Variants in OTUD7A observed in about 807,000 individuals in gnomAD.
The protein encoded by OTUD7A is OTU domain-containing protein 7A.
OTUD7A carries 12 observed loss-of-function variants against 65.7 expected under a neutral mutation model. The observed-to-expected ratio is 0.18, with a 90% CI of 0.12 to 0.30. OTUD7A has a LOEUF of 0.30. Ranked by LOEUF, OTUD7A falls within the 10% of genes least tolerant of loss-of-function variation. The pLI is 1.00. For missense variants in OTUD7A, 1,148 were observed against 1,304.8 expected, an observed-to-expected ratio of 0.88 and a Z score of 1.85; for synonymous variants, 641 against 586.3, an observed-to-expected ratio of 1.09 and a Z score of -1.35.
In OTUD7A at chr15:31,484,020, GGCGGCGGCAGCGGCGGCC is replaced by G; in HGVS notation, c.2058_2075del (p.Ala691_Ala696del). 2 of 1,221,592 alleles carry G rather than the reference GGCGGCGGCAGCGGCGGCC, an allele frequency of 1.6e-6. No homozygotes were observed. The highest frequency in any genetic ancestry group is 3.9e-5 in the South Asian group (1 of 25,634). 75.7% of individuals were successfully genotyped at this position (1,221,592 alleles called of 1,614,324 possible). ...GCCGCTTGGCCGTGGCGGCGGCGGC[GGCGGCGGCAGCGGCGGCC>G]GCAGTAGCGGCGTCGCGGCGCCGCT... On this transcript the variant is annotated inframe_deletion, in exon 13 of 13. Coordinates refer to ENST00000307050, the MANE Select transcript of OTUD7A (RefSeq NM_001382637.1). The surrounding 1 kb of genome is among the most constrained non-coding windows in gnomAD (Gnocchi z 4.5).
chr15:31,745,353 A>G (rs771495943), intron 1 of OTUD7A, among the ~76,000 whole-genome samples: 1 of 152,182 alleles, frequency 6.6e-6, no homozygotes, highest in African/African-American at 2.4e-5. Flanking sequence ...ATATAAATCA[A>G]TGGGACAAAG....
chr15:31,636,160 T>G (rs1891336717), intron 3 of OTUD7A, among the ~76,000 whole-genome samples: 1 of 152,228 alleles, frequency 6.6e-6, no homozygotes, highest in South Asian at 2.1e-4. Flanking sequence ...TGCATTTTCT[T>G]TTTACAAATT....
At chr15:31,639,319 C>G (rs1209483934) in intron 3 of OTUD7A, among the ~76,000 whole-genome samples, 1 of 150,964 alleles carries the variant, frequency 6.6e-6, no homozygotes, top group Non-Finnish European at 1.5e-5. Context: ...AGAGTCATCT[C>G]TGTTGTTGCA....
At chr15:31,575,740 C>A (rs34658780) in intron 3 of OTUD7A, among the ~76,000 whole-genome samples, 14,483 of 152,158 alleles carry the variant, frequency 0.095, 1,867 homozygotes, top group African/African-American at 0.29. Context: ...ACCTCTGTTA[C>A]AATCCATGGC....
At chr15:31,632,741 G>C (rs1026037151) in intron 3 of OTUD7A, among the ~76,000 whole-genome samples, 4 of 152,218 alleles carry the variant, frequency 2.6e-5, no homozygotes, top group African/African-American at 9.7e-5. Flanking sequence ...ACAGAGGCAG[G>C]CAGGCCTCCT....
chr15:31,766,148 A>T (rs1185286734), intron 1 of OTUD7A: 1 of 1,462,024 alleles, frequency 6.8e-7, no homozygotes, highest in East Asian at 2.3e-5. Context: ...TTTCCTGATC[A>T]TGATCCATTA....
intron 1 of OTUD7A, among the ~76,000 whole-genome samples, chr15:31,753,703 T>G (rs375671545): frequency 2.6e-3 from 8 of 3,034 alleles, no homozygotes; most frequent in Admixed American, 0.014. Context: ...ATATATATAT[T>G]ATATATATAT....
chr15:31,655,208 C>T lies in OTUD7A; in HGVS notation c.39G>A (p.Glu13=), dbSNP rs1891955192. ...GATCATGTAGAAGTGCTGCCCAACA[C>T]TCAGCCGAGGTGGGGTTTGGAAGCA... is the stretch of plus-strand genomic sequence containing the variant. ...SSVLPNPTSA[E]CWAALLHDPM... Residue 13 remains glutamate, a synonymous_variant, in exon 3 of 13, where the codon GAG becomes GAA. Transcript: ENST00000307050. 1 of 1,527,490 alleles carries T rather than the reference C, an allele frequency of 6.5e-7. No homozygotes were observed. The highest frequency in any genetic ancestry group is 2.3e-5 in the East Asian group (1 of 42,812). The allele number at this position is 1,527,490 out of a possible 1,614,324, so 94.6% of individuals were successfully genotyped here.
chr15:31,721,543 A>G (rs1893741399), intron 1 of OTUD7A, among the ~76,000 whole-genome samples: 1 of 152,068 alleles, frequency 6.6e-6, no homozygotes, highest in Non-Finnish European at 1.5e-5. Flanking sequence ...AGCCACAGTT[A>G]GCCTTTTCAA....
At chr15:31,571,714 T>C (rs1000561206) in intron 3 of OTUD7A, among the ~76,000 whole-genome samples, 24 of 152,366 alleles carry the variant, frequency 1.6e-4, no homozygotes, top group Admixed American at 1.3e-3. Context: ...TTCTGTTTTA[T>C]GTTTAACTTC....
chr15:31,849,484 T>A (rs1315307640), intron 1 of OTUD7A, among the ~76,000 whole-genome samples: 1 of 152,184 alleles, frequency 6.6e-6, no homozygotes, highest in Admixed American at 6.5e-5. Context: ...ATTCAGGACA[T>A]AGGCATGGGC....
In OTUD7A at chr15:31,483,776, C is replaced by T. The variant is rs575385845; in HGVS notation, c.2320G>A (p.Ala774Thr). 1.9e-6 allele frequency: 2 copies of T among 1,060,332 alleles called. No homozygotes were observed. The highest frequency in any genetic ancestry group is 3.4e-5 in the African/African-American group (2 of 58,384). The allele number at this position is 1,060,332 out of a possible 1,614,324, so 65.7% of individuals were successfully genotyped here. ...TGCACGTGGATGACGCTCTGGCGCG[C>T]TGGCGCCGGGGGGCTGCGGCCAGGC... ...PVPGRSPPAPARQSVIHVQAS... is the reference protein window; with the variant it reads ...PVPGRSPPAPTRQSVIHVQAS... The change falls in exon 13 of 13, where the codon GCG (alanine) becomes ACG (threonine). Residue 774 changes from alanine (A) to threonine (T), a missense_variant. Ala to Thr is a moderately conservative substitution (Grantham distance 58). Around this residue, in one of 6 missense-constraint regions of OTUD7A, gnomAD observed 842 missense variants for 769.5 expected, o/e 1.09. Transcript: ENST00000307050.
chr15:31,824,271 G>A (rs1256609815), intron 1 of OTUD7A, among the ~76,000 whole-genome samples: 1 of 152,188 alleles, frequency 6.6e-6, no homozygotes, highest in Non-Finnish European at 1.5e-5. Context: ...GCCTTCCTGA[G>A]CCACATCTCA....
chr15:31,559,593 T>C (rs1888620137), intron 4 of OTUD7A, among the ~76,000 whole-genome samples: 1 of 152,144 alleles, frequency 6.6e-6, no homozygotes, highest in South Asian at 2.1e-4. Context: ...TCCACTTGTA[T>C]ACATACATGT....
intron 1 of OTUD7A, among the ~76,000 whole-genome samples, chr15:31,775,032 A>G (rs1326241246): frequency 1.3e-5 from 2 of 151,080 alleles, no homozygotes; most frequent in East Asian, 3.9e-4. Flanking sequence ...ATCCAAACAC[A>G]TTATCCTCTC....
At chr15:31,755,339 G>T (rs1285284103) in intron 1 of OTUD7A, among the ~76,000 whole-genome samples, 1 of 152,120 alleles carries the variant, frequency 6.6e-6, no homozygotes, top group Non-Finnish European at 1.5e-5. Context: ...TACAGGGTGA[G>T]AACTCTCAAT....
In OTUD7A at chr15:31,777,077, A is replaced by G. The variant is rs376001065; in HGVS notation, c.-100+93430T>C. On this transcript the variant is annotated intron_variant, in intron 1 of 12. Transcript: ENST00000307050. Reference sequence around the variant, plus strand: ...TGTGATACCATAAACTGGGTCGCTCATAAACAGGCATTCATTTCTCATGGT... The same window carrying G: ...TGTGATACCATAAACTGGGTCGCTCGTAAACAGGCATTCATTTCTCATGGT... Among the ~76,000 whole-genome samples, 195 of 152,246 alleles carry G rather than the reference A, an allele frequency of 1.3e-3. 1 individual carries two copies. The South Asian group carries it at 0.021, about 17-fold the overall frequency.
Position 31,645,210 on chromosome 15 carries a change from C to A in OTUD7A, c.151+9886G>T, listed in dbSNP as rs1321119188. Among the ~76,000 whole-genome samples, 4 of 152,214 alleles carry A rather than the reference C, an allele frequency of 2.6e-5. No individual in the cohort carries two copies. The South Asian group carries it at 8.3e-4, about 32-fold the overall frequency. On this transcript the variant is annotated intron_variant, in intron 3 of 12. Coordinates refer to ENST00000307050, the MANE Select transcript of OTUD7A (RefSeq NM_001382637.1). ...CTCAAGGCAGTGAGCTGGGCAATTA[C>A]AGGACTAACCTTGTTTGTTTCCAAT...
Position 31,663,419 on chromosome 15 carries a change from T to C in OTUD7A, c.-99-6342A>G, listed in dbSNP as rs529785107. The stretch of plus-strand genomic sequence containing the variant: ...TATTAAGCCCTGCATGCATTATTTA[T>C]CCTGATGCTCACCATCCCCCCCACC... On this transcript the variant is annotated intron_variant, in intron 1 of 12. Coordinates refer to ENST00000307050, the MANE Select transcript of OTUD7A (RefSeq NM_001382637.1). 3.3e-5 allele frequency among the ~76,000 whole-genome samples: 5 copies of C among 152,146 alleles called. No homozygotes were observed. The South Asian group carries it at 1.0e-3, about 32-fold the overall frequency.
Sources: allele counts gnomAD v4.1 joint callset (sites outside exome capture counted in the v4.1 genomes callset), GRCh38; gene constraint gnomAD v4.1.1; regional missense constraint gnomAD v4.1.1; non-coding constraint Gnocchi (gnomAD v3.1); transcripts MANE v1.5; gene names NCBI Gene and HGNC (gene_info 2026-07-23, HGNC 2026-07-21).